The following NAALAD2 variants were observed in gnomAD, a reference collection of about 807,000 sequenced individuals.
NAALAD2 encodes N-acetylated-alpha-linked acidic dipeptidase 2.
A neutral mutation model predicts 95.6 loss-of-function variants in NAALAD2; 89 were observed. The ratio of observed to expected loss-of-function variants is 0.93; its 90% CI spans 0.78 to 1.11. NAALAD2 has a LOEUF of 1.11. Among genes scored for constraint, NAALAD2 ranks in the 50% least tolerant of loss-of-function variants. The probability of loss-of-function intolerance (pLI) is 0.00; values close to 1 mark genes in which losing one functional copy is unlikely to be tolerated. For missense variants in NAALAD2, 894 were observed against 872.4 expected (o/e 1.02, Z -0.31); for synonymous variants, 264 against 294.4 (o/e 0.90, Z 1.06).
In NAALAD2 at chr11:90,135,661, C is replaced by T. The variant is rs765205277; in HGVS notation, c.185C>T (p.Ser62Leu). ...GAAATGAAAGCTGAAAACATCAAAT[C>T]ATTTCTTCGGTAAGTTTATTTTACG... Reference protein sequence around the residue: ...VSEMKAENIKSFLRSFTKLPH... With the variant: ...VSEMKAENIKLFLRSFTKLPH... The change falls in exon 2 of 19, where the codon TCA becomes TTA. Residue 62 changes from serine (S) to leucine (L), a missense_variant. Ser to Leu is a moderately radical substitution (Grantham distance 145, BLOSUM62 -2). Transcript: ENST00000534061. 23 of 1,609,556 alleles carry T rather than the reference C, an allele frequency of 1.4e-5. No individual in the cohort carries two copies. The highest frequency in any genetic ancestry group is 1.9e-5 in the Non-Finnish European group (22 of 1,177,316).
At chr11:90,167,989 T>C (rs1952524438) in intron 11 of NAALAD2, among the ~76,000 whole-genome samples, 2 of 152,174 alleles carry the variant, frequency 1.3e-5, no homozygotes, top group South Asian at 2.1e-4. Flanking sequence ...CCTTCCACGT[T>C]GTGAAAGATT....
rs1205256700 is a variant in NAALAD2 at position 90,150,538 on chromosome 11, A to G, written c.540A>G (p.Arg180=). Residue 180 remains arginine (R), a synonymous_variant, in exon 5 of 19, where the codon AGA becomes AGG. Transcript: ENST00000534061. ...ARTEDFFKLE[R]EMGINCTGKI... ...CTGAAGACTTTTTCAAACTAGAAAG[A>G]GAGATGGGCATCAACTGTACTGGGA... is the stretch of plus-strand genomic sequence containing the variant. The G allele has an allele frequency of 6.2e-7, 1 of 1,611,626 alleles. No individual in the cohort carries two copies. Among genetic ancestry groups the G allele is most frequent in the Non-Finnish European group, 8.5e-7 (1 of 1,178,246 alleles).
intron 15 of NAALAD2, among the ~76,000 whole-genome samples, chr11:90,177,583 C>CTTTTTTTT (rs1565543926): frequency 5.2e-5 from 1 of 19,408 alleles, no homozygotes; most frequent in East Asian, 1.3e-3. Flanking sequence ...TTTTCTTTTT[C>CTTTTTTTT]TTGTTTTTTT....
intron 2 of NAALAD2, among the ~76,000 whole-genome samples, chr11:90,138,725 CTTTTTTTTTTTTTTTTTT>C (rs562496549): frequency 6.3e-4 from 39 of 61,538 alleles, no homozygotes; most frequent in African/African-American, 1.8e-3. Context: ...CATCCCTCAA[CTTTTTTTTTTTTTTTTTT>C]TTTTTTTTTT....
chr11:90,178,379 A>G (rs1424544043), intron 16 of NAALAD2, among the ~76,000 whole-genome samples: 2 of 152,198 alleles, frequency 1.3e-5, no homozygotes, highest in Non-Finnish European at 2.9e-5. Context: ...GCCTTTAAAA[A>G]CATTTTTACT....
Position 90,170,119 on chromosome 11 carries a change from T to A in NAALAD2, c.1393T>A (p.Tyr465Asn), listed in dbSNP as rs200072686. The A allele has an allele frequency of 6.3e-7, 1 of 1,589,752 alleles. No homozygotes were observed. The highest frequency in any genetic ancestry group is 1.3e-5 in the African/African-American group (1 of 74,364). The change falls in exon 13 of 19, where the codon TAT becomes AAT. Residue 465 changes from tyrosine to asparagine, a missense_variant. Transcript: ENST00000534061. Reference protein sequence around the residue: ...DCTPLLYQLVYKLTKEIPSPD... With the variant: ...DCTPLLYQLVNKLTKEIPSPD... The stretch of plus-strand genomic sequence containing the variant: ...TACTCCCCTTCTTTACCAATTAGTG[T>A]ATAAACTGACAAAAGAGGTATATAA...
chr11:90,146,343 A>ATTTTTTTTTTTTTTTTTTTTTTTTTTTTT (rs71477596), intron 2 of NAALAD2, among the ~76,000 whole-genome samples: 1 of 47,946 alleles, frequency 2.1e-5, no homozygotes. Flanking sequence ...GGGGAGTTTA[A>ATTTTTTTTTTTTTTTTTTTTTTTTTTTTT]TTTTTTTTTT....
intron 16 of NAALAD2, among the ~76,000 whole-genome samples, chr11:90,181,110 G>A (rs192786062): frequency 1.3e-5 from 2 of 152,116 alleles, no homozygotes; most frequent in Admixed American, 1.3e-4. Flanking sequence ...CAGAAGCATT[G>A]TGAATTAAAG....
At position 90,192,798 on chromosome 11, in the gene NAALAD2, T is replaced by C. The variant is rs1306441345; in HGVS notation, c.*1051T>C. 6.6e-6 allele frequency: 1 copy of C among 152,032 alleles called. No individual in the cohort carries two copies. The highest frequency in any genetic ancestry group is 6.6e-5 in the Admixed American group (1 of 15,242). 9.4% of individuals were successfully genotyped at this position (152,032 alleles called of 1,614,324 possible). On this transcript the variant is annotated 3_prime_UTR_variant, in exon 19 of 19. Coordinates refer to ENST00000534061, the MANE Select transcript of NAALAD2 (RefSeq NM_005467.4). ...TATTCTAACTCCTATAAAGACTGTA[T>C]ATCAGAATCTGCAAACTTTTATGCA...
At chr11:90,149,527 G>A (rs1951834378) in intron 4 of NAALAD2, among the ~76,000 whole-genome samples, 1 of 151,918 alleles carries the variant, frequency 6.6e-6, no homozygotes, top group South Asian at 2.1e-4. Flanking sequence ...CTCTGCCTCC[G>A]AGGTTCAAGC....
chr11:90,165,573 G>A (rs1952417915), intron 11 of NAALAD2, among the ~76,000 whole-genome samples: 1 of 150,924 alleles, frequency 6.6e-6, no homozygotes, highest in Non-Finnish European at 1.5e-5. Flanking sequence ...AACAAATACA[G>A]AGGGGGTAAA....
intron 11 of NAALAD2, among the ~76,000 whole-genome samples, chr11:90,166,042 T>C (rs1223555903): frequency 1.3e-5 from 2 of 152,252 alleles, no homozygotes; most frequent in African/African-American, 2.4e-5. Context: ...TTATTTTCAC[T>C]ATAAATCTGT....
intron 8 of NAALAD2, 132 bp from the exon 9 acceptor site, chr11:90,162,817 A>G: frequency 1.9e-6 from 1 of 528,798 alleles, no homozygotes; most frequent in Non-Finnish European, 3.4e-6. Context: ...GGTGGTAGAG[A>G]TATGAGAATC....
At chr11:90,148,113 G>A (rs16924586) in intron 3 of NAALAD2, among the ~76,000 whole-genome samples, 2,091 of 152,250 alleles carry the variant, frequency 0.014, 54 homozygotes, top group African/African-American at 0.048. Flanking sequence ...GTTCACGGGA[G>A]CCAATGACAA....
chr11:90,182,867 G>T, intron 17 of NAALAD2, 49 bp from the exon 18 acceptor site: 1 of 1,185,146 alleles, frequency 8.4e-7, no homozygotes, highest in Non-Finnish European at 1.2e-6. Context: ...TATTTTTGAA[G>T]CATGATTCTG....
At chr11:90,159,991 G>GCACTTGAGCCTGGCCAACAA (rs1555120542) in intron 8 of NAALAD2, among the ~76,000 whole-genome samples, 1 of 150,530 alleles carries the variant, frequency 6.6e-6, no homozygotes, top group Non-Finnish European at 1.5e-5. Flanking sequence ...GTGAAGTTAA[G>GCACTTGAGCCTGGCCAACAA]GGAGAGGTAA....
At chr11:90,161,293 G>T in intron 8 of NAALAD2, among the ~76,000 whole-genome samples, 1 of 151,678 alleles carries the variant, frequency 6.6e-6, no homozygotes, top group Admixed American at 6.6e-5. Context: ...TGAATTATTT[G>T]CATTACTGTC....
intron 12 of NAALAD2, 27 bp downstream of exon 12, chr11:90,169,019 A>C: frequency 6.4e-7 from 1 of 1,550,664 alleles, no homozygotes; most frequent in Non-Finnish European, 8.8e-7. Context: ...TTTGAAGTGA[A>C]ATTTTCAGAA....
chr11:90,163,513 C>G lies in NAALAD2; in HGVS notation c.1196-22C>G, dbSNP rs199628009. The G allele has an allele frequency of 6.8e-4, 1,097 of 1,613,240 alleles. 2 individuals carry two copies. The highest frequency in any genetic ancestry group is 8.7e-4 in the Non-Finnish European group (1,031 of 1,179,536). On this transcript the variant is annotated intron_variant, in intron 10 of 18. Coordinates refer to ENST00000534061, the MANE Select transcript of NAALAD2 (RefSeq NM_005467.4). ...TTTTTTAGGCAGTTGTACCTAACCA[C>G]GTGTGTTAACAATTCTTACAGGCTG...
Sources: allele counts gnomAD v4.1 joint callset (sites outside exome capture counted in the v4.1 genomes callset), GRCh38; gene constraint gnomAD v4.1.1; transcripts MANE v1.5; gene names NCBI Gene and HGNC (gene_info 2026-07-23, HGNC 2026-07-21).